Variants in CSMD1 observed in about 807,000 individuals in gnomAD.
The protein encoded by CSMD1 is CUB and sushi domain-containing protein 1.
CSMD1 carries 213 observed loss-of-function variants against 417.5 expected under a neutral mutation model. The observed-to-expected ratio is 0.51, with a 90% CI of 0.46 to 0.57. The LOEUF (loss-of-function observed/expected upper bound fraction) is 0.57, where lower values mean the gene tolerates loss of function less well. CSMD1 is among the 20% of genes least tolerant of loss of function. The pLI is 0.00. For missense variants in CSMD1, 6,923 were observed against 4,529.7 expected, an observed-to-expected ratio of 1.53 and a Z score of -15.17; for synonymous variants, 2,862 against 1,736.8, an observed-to-expected ratio of 1.65 and a Z score of -16.11.
chr8:2,936,143 A>C lies in CSMD1; in HGVS notation c.*2442T>G, dbSNP rs1801445592. The C allele has an allele frequency of 6.6e-6, 1 of 152,136 alleles. No homozygotes were observed. Among genetic ancestry groups the C allele is most frequent in the Admixed American group, 6.5e-5 (1 of 15,284 alleles). The allele number at this position is 152,136 out of a possible 1,614,324, so 9.4% of individuals were successfully genotyped here. A position where few individuals can be genotyped will look rare whatever the true frequency, so the allele number is the denominator to read the frequency against. ...ACTGATTTTTTTTTTCATTTAAATA[A>C]CATGCTTCAAACTGGCAACCCTAGG... is the stretch of plus-strand genomic sequence containing the variant. On this transcript the variant is annotated 3_prime_UTR_variant, in exon 70 of 70. Coordinates refer to ENST00000635120, the MANE Select transcript of CSMD1 (RefSeq NM_033225.6).
chr8:3,478,417 G>A (rs566984403), intron 11 of CSMD1, among the ~76,000 whole-genome samples: 164 of 152,328 alleles, frequency 1.1e-3, no homozygotes, highest in Non-Finnish European at 1.9e-3. Flanking sequence ...CAGTCCTCAT[G>A]ACATGCAGAT....
intron 7 of CSMD1, among the ~76,000 whole-genome samples, chr8:3,629,046 C>T (rs1584985248): frequency 6.6e-6 from 1 of 151,992 alleles, no homozygotes; most frequent in African/African-American, 2.4e-5. Context: ...AATTCCAAGC[C>T]TTGGGGAACA....
chr8:3,528,344 G>A (rs886902149), intron 10 of CSMD1, among the ~76,000 whole-genome samples: 1 of 152,146 alleles, frequency 6.6e-6, no homozygotes, highest in Non-Finnish European at 1.5e-5. Flanking sequence ...TTATACCAAA[G>A]GAAAGGTGAC....
chr8:4,337,713 C>G (rs534444050), intron 3 of CSMD1, among the ~76,000 whole-genome samples: 1 of 152,126 alleles, frequency 6.6e-6, no homozygotes, highest in Non-Finnish European at 1.5e-5. Flanking sequence ...AGAGTACACT[C>G]AAGTATTTGC....
At chr8:4,609,312 G>A (rs773851466) in intron 2 of CSMD1, among the ~76,000 whole-genome samples, 3 of 152,244 alleles carry the variant, frequency 2.0e-5, no homozygotes, top group South Asian at 2.1e-4. Flanking sequence ...GAGGTGGGAG[G>A]ATTGCTGGAG....
chr8:3,670,358 G>A (rs1197014502), intron 7 of CSMD1, among the ~76,000 whole-genome samples: 2 of 151,684 alleles, frequency 1.3e-5, no homozygotes, highest in East Asian at 3.9e-4. Flanking sequence ...ACTCGGGCTG[G>A]CTCTCCTTGC....
intron 12 of CSMD1, among the ~76,000 whole-genome samples, chr8:3,445,876 A>G (rs1220293007): frequency 6.6e-6 from 1 of 152,102 alleles, no homozygotes; most frequent in East Asian, 1.9e-4. Context: ...TGTTATAGAA[A>G]TAGCAAAAGC....
At chr8:3,520,731 G>A (rs1004844755) in intron 10 of CSMD1, among the ~76,000 whole-genome samples, 1 of 151,454 alleles carries the variant, frequency 6.6e-6, no homozygotes, top group East Asian at 1.9e-4. Flanking sequence ...ACCTTTTTTT[G>A]TGTGTATATC....
intron 54 of CSMD1, among the ~76,000 whole-genome samples, chr8:2,982,317 C>G (rs1428097456): frequency 3.3e-5 from 5 of 152,184 alleles, no homozygotes; most frequent in African/African-American, 1.2e-4. Flanking sequence ...GATCATGCCA[C>G]TGCACTGCAG....
At chr8:3,318,010 C>G (rs529375234) in intron 23 of CSMD1, among the ~76,000 whole-genome samples, 1 of 152,130 alleles carries the variant, frequency 6.6e-6, no homozygotes, top group Non-Finnish European at 1.5e-5. Context: ...AGGGTTTCCC[C>G]GGCTGGGCTC....
At chr8:4,782,508 G>T (rs1797205913) in intron 1 of CSMD1, among the ~76,000 whole-genome samples, 1 of 152,058 alleles carries the variant, frequency 6.6e-6, no homozygotes, top group Non-Finnish European at 1.5e-5. Flanking sequence ...GTAGATTTTG[G>T]TCTATCCATA....
In CSMD1 at chr8:4,761,375, TG is replaced by T. The variant is rs1354861223; in HGVS notation, c.86-123818del. 1.6e-3 allele frequency among the ~76,000 whole-genome samples: 247 copies of T among 151,690 alleles called. 1 individual carries two copies. Among genetic ancestry groups the T allele is most frequent in the Middle Eastern group, 0.01 (3 of 292 alleles). On this transcript the variant is annotated intron_variant, in intron 1 of 69. Transcript: ENST00000635120. ...CATCTTGAAATCGTGTTACTTGGTGTGTGTGTGTGTATATATATATATACAC... is the reference window on the plus strand; with the variant it reads ...CATCTTGAAATCGTGTTACTTGGTGTTGTGTGTGTATATATATATATACAC...
rs557993702 is a variant in CSMD1 at position 3,070,837 on chromosome 8, C to A, written c.7474+16260G>T. Among the ~76,000 whole-genome samples, 3 of 152,328 alleles carry A rather than the reference C, an allele frequency of 2.0e-5. No individual in the cohort carries two copies. The East Asian group carries it at 5.8e-4, about 29-fold the overall frequency. ...TATAGCAATGTCCCACTCCTTGGTACCAATTTTCTGTATTAGGCAATTCTT... is the reference window on the plus strand; with the variant it reads ...TATAGCAATGTCCCACTCCTTGGTAACAATTTTCTGTATTAGGCAATTCTT... On this transcript the variant is annotated intron_variant, in intron 49 of 69. Coordinates refer to ENST00000635120, the MANE Select transcript of CSMD1 (RefSeq NM_033225.6).
intron 25 of CSMD1, among the ~76,000 whole-genome samples, chr8:3,292,712 A>G (rs534763552): frequency 6.6e-6 from 1 of 152,122 alleles, no homozygotes; most frequent in Non-Finnish European, 1.5e-5. Flanking sequence ...TTTTGAGCCT[A>G]TGTGTGTCTC....
At chr8:3,528,175 T>TG (rs1161223694) in intron 10 of CSMD1, among the ~76,000 whole-genome samples, 2 of 152,350 alleles carry the variant, frequency 1.3e-5, no homozygotes, top group Non-Finnish European at 2.9e-5. Context: ...TTAACTCCCC[T>TG]GGTAGAATCA....
chr8:4,114,486 G>T (rs937976159), intron 3 of CSMD1, among the ~76,000 whole-genome samples: 1 of 152,176 alleles, frequency 6.6e-6, no homozygotes, highest in African/African-American at 2.4e-5. Context: ...TTGTCTTCAT[G>T]CCAGCTAATA....
chr8:4,761,582 C>A (rs977864631), intron 1 of CSMD1, among the ~76,000 whole-genome samples: 1 of 151,966 alleles, frequency 6.6e-6, no homozygotes, highest in Non-Finnish European at 1.5e-5. Context: ...AACATAGCTG[C>A]GATGGTTACC....
intron 5 of CSMD1, among the ~76,000 whole-genome samples, chr8:3,800,200 C>A (rs544189799): frequency 2.0e-5 from 3 of 152,118 alleles, no homozygotes; most frequent in Admixed American, 6.6e-5. Flanking sequence ...CAGCAGAGAG[C>A]AGAACTTTCA....
chr8:4,082,271 C>T (rs897731236), intron 3 of CSMD1, among the ~76,000 whole-genome samples: 10 of 152,164 alleles, frequency 6.6e-5, no homozygotes, highest in Admixed American at 5.9e-4. Flanking sequence ...TTAAAACTAA[C>T]ACAAGGTAGA....
Sources: gnomAD v4.1 joint callset for allele counts (sites outside exome capture counted in the v4.1 genomes callset) on GRCh38, gnomAD v4.1.1 for gene constraint, MANE v1.5 for transcripts, NCBI Gene and HGNC (gene_info 2026-07-23, HGNC 2026-07-21) for gene names.